The following SEMA3E variants were observed in gnomAD, a reference collection of about 807,000 sequenced individuals.
SEMA3E encodes the protein semaphorin 3E.
In SEMA3E, 49 loss-of-function variants were observed where a neutral mutation model predicts 93.6. The observed-to-expected ratio is 0.52, with a 90% CI of 0.42 to 0.66. SEMA3E has a LOEUF of 0.66. Ranked by LOEUF, SEMA3E falls within the 30% of genes least tolerant of loss-of-function variation. The pLI is 0.00. For synonymous variants in SEMA3E, 363 were observed against 330.7 expected (o/e 1.10, Z -1.06); for missense variants, 906 against 964.8 (o/e 0.94, Z 0.81).
Position 83,647,239 on chromosome 7 carries a change from T to G in SEMA3E, c.115+1189A>C, listed in dbSNP as rs1302572696. ...TATTCTAAAAATGAAAAAATTTCTATAGTCAACATTTACTGAAGATTGTCC... is the reference window on the plus strand; with the variant it reads ...TATTCTAAAAATGAAAAAATTTCTAGAGTCAACATTTACTGAAGATTGTCC... On this transcript the variant is annotated intron_variant, in intron 1 of 16. Transcript: ENST00000643230. Among the ~76,000 whole-genome samples the G allele has an allele frequency of 2.6e-5, 4 of 152,126 alleles. No homozygotes were observed. In the East Asian group the frequency reaches 5.8e-4, roughly 22 times the overall value.
chr7:83,486,896 A>G (rs1395149607), intron 2 of SEMA3E, among the ~76,000 whole-genome samples: 2 of 152,074 alleles, frequency 1.3e-5, no homozygotes, highest in Admixed American at 1.3e-4. Flanking sequence ...GGGCTCAGCA[A>G]AATAAGGATT....
At chr7:83,436,279 T>C (rs16887526) in intron 4 of SEMA3E, among the ~76,000 whole-genome samples, 4,081 of 151,620 alleles carry the variant, frequency 0.027, 189 homozygotes, top group African/African-American at 0.093. Flanking sequence ...AATAAAAATG[T>C]TGTCTGATCT....
chr7:83,611,330 A>G (rs1793255252), intron 1 of SEMA3E, among the ~76,000 whole-genome samples: 1 of 144,030 alleles, frequency 6.9e-6, no homozygotes, highest in Non-Finnish European at 1.5e-5. Flanking sequence ...TAATATATAA[A>G]TTTATATATT....
intron 1 of SEMA3E, among the ~76,000 whole-genome samples, chr7:83,522,243 T>C (rs1239177987): frequency 6.6e-6 from 1 of 152,132 alleles, no homozygotes; most frequent in Admixed American, 6.6e-5. Context: ...TATGTTTATT[T>C]CTAACTTGGT....
chr7:83,469,442 T>C (rs1162496317), intron 2 of SEMA3E, 140 bp from the exon 3 acceptor site: 3 of 612,894 alleles, frequency 4.9e-6, no homozygotes, highest in Non-Finnish European at 8.7e-6. Flanking sequence ...AGTGGGTCTT[T>C]GTGTTATTCA....
intron 1 of SEMA3E, among the ~76,000 whole-genome samples, chr7:83,505,842 C>T (rs926791181): frequency 1.3e-5 from 2 of 151,398 alleles, no homozygotes; most frequent in Non-Finnish European, 2.9e-5. Flanking sequence ...GGTGAAACCT[C>T]GTCTCTATTA....
intron 16 of SEMA3E, among the ~76,000 whole-genome samples, chr7:83,370,128 C>CTT (rs1356037156): frequency 2.6e-5 from 4 of 152,106 alleles, no homozygotes; most frequent in Non-Finnish European, 5.9e-5. Context: ...TTTGATAGTA[C>CTT]TTTTATTCCT....
chr7:83,384,251 C>T (rs1040017670), intron 16 of SEMA3E, among the ~76,000 whole-genome samples: 8 of 151,962 alleles, frequency 5.3e-5, no homozygotes, highest in Admixed American at 1.3e-4. Flanking sequence ...CAAAGTGTTC[C>T]GCATTTGGAA....
Position 83,648,762 on chromosome 7 carries a change from G to A in SEMA3E, c.-220C>T. ...GTTGTTTATAAGCCGGGAGCAAGAG[G>A]ACATTCCAAAGAGTGAGTCTTCAGA... On this transcript the variant is annotated 5_prime_UTR_variant, in exon 1 of 17. Transcript: ENST00000643230. 1 of 606,594 alleles carries A rather than the reference G, an allele frequency of 1.6e-6. No homozygotes were observed. Among genetic ancestry groups the A allele is most frequent in the South Asian group, 1.8e-5 (1 of 54,824 alleles). The allele number at this position is 606,594 out of a possible 1,614,324, so 37.6% of individuals were successfully genotyped here.
At chr7:83,378,019 C>G (rs998986522) in intron 16 of SEMA3E, among the ~76,000 whole-genome samples, 1 of 151,718 alleles carries the variant, frequency 6.6e-6, no homozygotes, top group Admixed American at 6.6e-5. Flanking sequence ...TCTTCATAAA[C>G]CAGGGTATAG....
At chr7:83,510,902 A>G (rs552046714) in intron 1 of SEMA3E, among the ~76,000 whole-genome samples, 4 of 152,358 alleles carry the variant, frequency 2.6e-5, no homozygotes, top group African/African-American at 7.2e-5. Flanking sequence ...CTAATGCTCA[A>G]GAAAATAATT....
At chr7:83,559,944 T>C (rs10230607) in intron 1 of SEMA3E, among the ~76,000 whole-genome samples, 2,674 of 152,062 alleles carry the variant, frequency 0.018, 77 homozygotes, top group African/African-American at 0.059. Context: ...CTTAAGTGCA[T>C]GTGAAAGAAG....
At chr7:83,597,170 A>G (rs1584354498) in intron 1 of SEMA3E, among the ~76,000 whole-genome samples, 1 of 152,118 alleles carries the variant, frequency 6.6e-6, no homozygotes, top group Non-Finnish European at 1.5e-5. Context: ...CCACATAAGT[A>G]CCTCCTCTGA....
chr7:83,466,472 A>G lies in SEMA3E; in HGVS notation c.456+10T>C. The G allele has an allele frequency of 6.2e-7, 1 of 1,613,868 alleles. No individual in the cohort carries two copies. The highest frequency in any genetic ancestry group is 8.5e-7 in the Non-Finnish European group (1 of 1,179,922). ...TGTTTTTATTGACAGCAATGAATGA[A>G]ACATCTTACCTCCAAATGATATCCA... is the stretch of plus-strand genomic sequence containing the variant. On this transcript the variant is annotated intron_variant, in intron 4 of 16. Coordinates refer to ENST00000643230, the MANE Select transcript of SEMA3E (RefSeq NM_012431.3).
Position 83,638,600 on chromosome 7 carries a change from T to C in SEMA3E, c.115+9828A>G, listed in dbSNP as rs57949618. On this transcript the variant is annotated intron_variant, in intron 1 of 16. Transcript: ENST00000643230. ...TACAAAAATATGCAGATAATGGTAA[T>C]ATAGTTAGATATCTATGAATCTAAG... is the stretch of plus-strand genomic sequence containing the variant. Among the ~76,000 whole-genome samples the C allele has an allele frequency of 8.5e-3, 1,297 of 152,294 alleles. 19 individuals carry two copies. Among genetic ancestry groups the C allele is most frequent in the African/African-American group, 0.029 (1,207 of 41,546 alleles).
At chr7:83,594,190 C>G (rs939399735) in intron 1 of SEMA3E, among the ~76,000 whole-genome samples, 1 of 152,082 alleles carries the variant, frequency 6.6e-6, no homozygotes, top group African/African-American at 2.4e-5. Context: ...TGTCAAAATA[C>G]ACTTTTTTGT....
intron 1 of SEMA3E, among the ~76,000 whole-genome samples, chr7:83,556,197 C>G (rs955129736): frequency 6.6e-6 from 1 of 152,148 alleles, no homozygotes; most frequent in African/African-American, 2.4e-5. Flanking sequence ...CATTCTCCCT[C>G]CACTGCCTGC....
At chr7:83,642,125 A>C (rs1794020623) in intron 1 of SEMA3E, among the ~76,000 whole-genome samples, 1 of 152,194 alleles carries the variant, frequency 6.6e-6, no homozygotes. Context: ...CCAAAGCTAC[A>C]AACTAAATCC....
Position 83,400,255 on chromosome 7 carries a change from A to C in SEMA3E, c.1144-5T>G. 1 of 1,613,134 alleles carries C rather than the reference A, an allele frequency of 6.2e-7. No homozygotes were observed. Among genetic ancestry groups the C allele is most frequent in the Non-Finnish European group, 8.5e-7 (1 of 1,179,110 alleles). ...TCCATTTACTTTGCTGGCACACTGA[A>C]AAACAAGTGGATCAGATAATTCTTT... On this transcript the variant is annotated splice_polypyrimidine_tract_variant and splice_region_variant and intron_variant, in intron 10 of 16. Coordinates refer to ENST00000643230, the MANE Select transcript of SEMA3E (RefSeq NM_012431.3).
Sources: gnomAD v4.1 joint callset for allele counts (sites outside exome capture counted in the v4.1 genomes callset) on GRCh38, gnomAD v4.1.1 for gene constraint, MANE v1.5 for transcripts, NCBI Gene and HGNC (gene_info 2026-07-23, HGNC 2026-07-21) for gene names.